APOLD1: variants seen among roughly 807,000 people sequenced by gnomAD.
APOLD1 encodes the protein apolipoprotein L domain-containing protein 1.
A neutral mutation model predicts 15.3 loss-of-function variants in APOLD1; 22 were observed. The observed-to-expected ratio is 1.44, with a 90% CI of 1.03 to 2.05. The LOEUF (loss-of-function observed/expected upper bound fraction) is 2.05. Ranked by LOEUF, APOLD1 falls within the 30% of genes most tolerant of loss-of-function variation. APOLD1 has a pLI of 0.00. For synonymous variants in APOLD1, 190 were observed against 167.4 expected (o/e 1.13, Z -1.04); for missense variants, 394 against 353.5 (o/e 1.11, Z -0.92).
At chr12:12,774,287 G>A (rs1947011355) in intron 1 of APOLD1, among the ~76,000 whole-genome samples, 2 of 152,026 alleles carry the variant, frequency 1.3e-5, no homozygotes, top group South Asian at 4.1e-4. Flanking sequence ...GCTCATACCT[G>A]TAATCCTAGC....
At chr12:12,747,623 C>T (rs531941258) in intron 1 of APOLD1, among the ~76,000 whole-genome samples, 2 of 152,338 alleles carry the variant, frequency 1.3e-5, no homozygotes, top group African/African-American at 4.8e-5. Context: ...CAACCCAGTC[C>T]TATCAGGAAT....
chr12:12,733,863 CAA>C (rs965430661), intron 1 of APOLD1, among the ~76,000 whole-genome samples: 1 of 152,220 alleles, frequency 6.6e-6, no homozygotes, highest in Non-Finnish European at 1.5e-5. Context: ...CTCTGTCCCC[CAA>C]AGTGTTGGGA....
At chr12:12,770,567 G>GAA (rs36112693) in intron 1 of APOLD1, among the ~76,000 whole-genome samples, 2,012 of 119,228 alleles carry the variant, frequency 0.017, 43 homozygotes, top group African/African-American at 0.052. Context: ...AAAAAAGACT[G>GAA]AAAAAAAAAA....
chr12:12,758,092 C>G (rs1168578676), intron 1 of APOLD1, among the ~76,000 whole-genome samples: 2 of 111,384 alleles, frequency 1.8e-5, no homozygotes, highest in African/African-American at 8.3e-5. Context: ...TGATGCCTGG[C>G]TTTTTTTCTT....
At chr12:12,742,593 T>C (rs1464066651) in intron 1 of APOLD1, among the ~76,000 whole-genome samples, 3 of 151,998 alleles carry the variant, frequency 2.0e-5, no homozygotes, top group Admixed American at 1.3e-4. Flanking sequence ...GGTGAAACCC[T>C]ATCTCTACTA....
rs1946592504 is a variant in APOLD1 at position 12,726,214 on chromosome 12, G to A, written c.96+118G>A. 7 of 739,266 alleles carry A rather than the reference G, an allele frequency of 9.5e-6. No individual in the cohort carries two copies. In the Admixed American group the frequency reaches 1.9e-4, roughly 20 times the overall value. 45.8% of individuals were successfully genotyped at this position (739,266 alleles called of 1,614,324 possible). A position where few individuals can be genotyped will look rare whatever the true frequency, so the allele number is the denominator to read the frequency against. ...AGAGGAAAAATGTGTTATTTCAACC[G>A]CCACTCAGAACCCATCATAATTCAG... On this transcript the variant is annotated intron_variant, in intron 1 of 1. Coordinates refer to the APOLD1 transcript ENST00000326765.
intron 1 of APOLD1, among the ~76,000 whole-genome samples, chr12:12,733,317 T>C (rs1393801286): frequency 6.6e-6 from 1 of 151,778 alleles, no homozygotes; most frequent in East Asian, 1.9e-4. Context: ...AGAACAAGAC[T>C]GTCTCAAAAA....
intron 1 of APOLD1, among the ~76,000 whole-genome samples, chr12:12,732,553 C>T (rs528113511): frequency 3.0e-4 from 45 of 151,764 alleles, no homozygotes; most frequent in African/African-American, 8.0e-4. Context: ...GGCGAAACCC[C>T]GTCTCTACTA....
chr12:12,750,174 A>T (rs914803551), intron 1 of APOLD1, among the ~76,000 whole-genome samples: 4 of 152,148 alleles, frequency 2.6e-5, no homozygotes, highest in Admixed American at 6.5e-5. Flanking sequence ...GGAGTTCGAG[A>T]CCGGCCTGAC....
rs547686933 is a variant in APOLD1, at chr12:12,786,572, C to G, written c.4-337C>G. On this transcript the variant is annotated intron_variant, in intron 1 of 1. Transcript: ENST00000356591. ...AGCAAAGGCCTCAGTACTGGAGAAG[C>G]CTTCTAATACCACGCCCCTCCCAGT... 19 of 804,844 alleles carry G rather than the reference C, an allele frequency of 2.4e-5. No individual in the cohort carries two copies. In the South Asian group the frequency reaches 9.1e-4, roughly 38 times the overall value. The allele number at this position is 804,844 out of a possible 1,614,324, so 49.9% of individuals were successfully genotyped here. A position where few individuals can be genotyped will look rare whatever the true frequency, so the allele number is the denominator to read the frequency against.
chr12:12,753,030 C>T (rs1005438411), intron 1 of APOLD1, among the ~76,000 whole-genome samples: 6 of 152,138 alleles, frequency 3.9e-5, no homozygotes, highest in Admixed American at 6.5e-5. Context: ...GGTGCACTCA[C>T]GTTGGAACAC....
intron 1 of APOLD1, among the ~76,000 whole-genome samples, chr12:12,770,792 A>AC (rs902603000): frequency 1.1e-4 from 16 of 151,626 alleles, no homozygotes; most frequent in Admixed American, 7.9e-4. Context: ...AAAAAAAAAA[A>AC]AACTCTACAC....
At chr12:12,786,608 T>C in intron 1 of APOLD1, 2 of 973,310 alleles carry the variant, frequency 2.1e-6, no homozygotes, top group Non-Finnish European at 2.4e-6. Context: ...TTAAATCTTA[T>C]TTAACACATA....
chr12:12,746,794 TC>T (rs1267746021), intron 1 of APOLD1, among the ~76,000 whole-genome samples: 1 of 152,134 alleles, frequency 6.6e-6, no homozygotes, highest in Non-Finnish European at 1.5e-5. Context: ...CTCTTCTTCT[TC>T]CCCCTTCCCT....
chr12:12,742,004 T>C (rs1291688992), intron 1 of APOLD1, among the ~76,000 whole-genome samples: 2 of 152,204 alleles, frequency 1.3e-5, no homozygotes, highest in Non-Finnish European at 2.9e-5. Context: ...TTCTGCCCGA[T>C]TAAAAGACCA....
upstream of APOLD1, among the ~76,000 whole-genome samples, chr12:12,782,285 A>ACAAACAAG (rs1246072737): frequency 6.6e-6 from 1 of 151,710 alleles, no homozygotes; most frequent in Non-Finnish European, 1.5e-5. Context: ...AAACAAACAA[A>ACAAACAAG]CAAACAAACA....
At chr12:12,727,260 G>A (rs575622275) in intron 1 of APOLD1, among the ~76,000 whole-genome samples, 106 of 152,202 alleles carry the variant, frequency 7.0e-4, no homozygotes, top group Non-Finnish European at 1.3e-3. Flanking sequence ...AAGAGAAAAT[G>A]TTAAATATTT....
chr12:12,751,900 A>T (rs2058607), intron 1 of APOLD1, among the ~76,000 whole-genome samples: 52,278 of 152,100 alleles, frequency 0.34, 9,981 homozygotes, highest in East Asian at 0.46. Flanking sequence ...CGGCAGAAGC[A>T]GATTGGAATG....
intron 1 of APOLD1, among the ~76,000 whole-genome samples, chr12:12,741,084 GA>G (rs571145986): frequency 4.1e-4 from 61 of 149,682 alleles, no homozygotes; most frequent in South Asian, 8.4e-4. Flanking sequence ...CTCTTACCAA[GA>G]AAAAAAAAAT....
Sources: allele counts gnomAD v4.1 joint callset (sites outside exome capture counted in the v4.1 genomes callset), GRCh38; gene constraint gnomAD v4.1.1; transcripts MANE v1.5; gene names NCBI Gene and HGNC (gene_info 2026-07-23, HGNC 2026-07-21).